The following DSCAM variants were observed in gnomAD, a reference collection of about 807,000 sequenced individuals.
The protein encoded by DSCAM is DS cell adhesion molecule.
Under a neutral mutation model 217.7 loss-of-function variants are expected in DSCAM, and 47 were observed. That is an observed-to-expected ratio of 0.22 (90% CI 0.17 to 0.28). The LOEUF is 0.28. Among genes scored for constraint, DSCAM ranks in the 10% least tolerant of loss-of-function variants. The probability of loss-of-function intolerance (pLI) is 1.00; values close to 1 mark genes in which losing one functional copy is unlikely to be tolerated. For missense variants in DSCAM, 2,080 were observed against 2,618.3 expected, an observed-to-expected ratio of 0.79 and a Z score of 4.49; for synonymous variants, 1,056 against 1,015.3, an observed-to-expected ratio of 1.04 and a Z score of -0.76.
intron 6 of DSCAM, among the ~76,000 whole-genome samples, chr21:40,342,609 T>C (rs1431089760): frequency 8.2e-6 from 1 of 122,012 alleles, no homozygotes; most frequent in Admixed American, 9.1e-5. Context: ...AGTATGTGTA[T>C]ATGTGTGTGT....
intron 11 of DSCAM, among the ~76,000 whole-genome samples, chr21:40,232,577 T>A (rs1042786536): frequency 4.6e-5 from 7 of 152,230 alleles, no homozygotes; most frequent in Non-Finnish European, 8.8e-5. Flanking sequence ...CATTTCATGT[T>A]TTCTCAGTAG....
rs570153949 is a variant in DSCAM at position 40,310,181 on chromosome 21, A to T, written c.2062+1900T>A. ...CAATCTGAATGTACAACAAAGTTTGAGAACCACTAACTAGTGATTTTTGGG... is the reference window on the plus strand; with the variant it reads ...CAATCTGAATGTACAACAAAGTTTGTGAACCACTAACTAGTGATTTTTGGG... On this transcript the variant is annotated intron_variant, in intron 9 of 32. Coordinates refer to ENST00000400454, the MANE Select transcript of DSCAM (RefSeq NM_001389.5). 8.7e-4 allele frequency among the ~76,000 whole-genome samples: 133 copies of T among 152,364 alleles called. 1 individual carries two copies. The highest frequency in any genetic ancestry group is 3.1e-3 in the African/African-American group (129 of 41,594).
intron 3 of DSCAM, among the ~76,000 whole-genome samples, chr21:40,508,510 T>C (rs892836811): frequency 1.3e-5 from 2 of 151,896 alleles, no homozygotes; most frequent in African/African-American, 4.8e-5. Flanking sequence ...ACTAAACAGT[T>C]TGGCATTTAA....
chr21:40,498,607 T>G (rs1395123062), intron 3 of DSCAM, among the ~76,000 whole-genome samples: 2 of 145,146 alleles, frequency 1.4e-5, no homozygotes, highest in African/African-American at 5.0e-5. Flanking sequence ...TGTATATATA[T>G]ATAATATGTA....
intron 3 of DSCAM, among the ~76,000 whole-genome samples, chr21:40,542,651 T>C (rs910626414): frequency 6.6e-6 from 1 of 152,192 alleles, no homozygotes; most frequent in African/African-American, 2.4e-5. Context: ...AGATGACAGA[T>C]CTGCTGACAA....
chr21:40,333,996 TA>T (rs1275400033), intron 8 of DSCAM, among the ~76,000 whole-genome samples: 1 of 152,158 alleles, frequency 6.6e-6, no homozygotes, highest in Non-Finnish European at 1.5e-5. Flanking sequence ...TAAAAATAGG[TA>T]AACTTACATT....
chr21:40,828,230 C>T (rs2091985320), intron 1 of DSCAM, among the ~76,000 whole-genome samples: 1 of 152,088 alleles, frequency 6.6e-6, no homozygotes, highest in Admixed American at 6.5e-5. Context: ...TAGTGAGACC[C>T]TGTTTCTATA....
At chr21:40,264,187 T>A (rs992686964) in intron 11 of DSCAM, among the ~76,000 whole-genome samples, 1 of 152,182 alleles carries the variant, frequency 6.6e-6, no homozygotes, top group Non-Finnish European at 1.5e-5. Flanking sequence ...GAGGGAATCC[T>A]GCCTAACTTA....
intron 11 of DSCAM, among the ~76,000 whole-genome samples, chr21:40,266,814 C>A (rs202097617): frequency 0.013 from 1,284 of 98,172 alleles, 25 homozygotes; most frequent in Admixed American, 0.059. Context: ...ACACACACAC[C>A]CCCACACACA....
intron 11 of DSCAM, among the ~76,000 whole-genome samples, chr21:40,235,448 T>C (rs1410978207): frequency 6.6e-6 from 1 of 152,212 alleles, no homozygotes; most frequent in East Asian, 1.9e-4. Context: ...TAATTAAGAC[T>C]AAGAGAGCTG....
intron 1 of DSCAM, among the ~76,000 whole-genome samples, chr21:40,752,154 A>G (rs909531071): frequency 1.3e-5 from 2 of 152,242 alleles, no homozygotes; most frequent in African/African-American, 4.8e-5. Flanking sequence ...CCAATTAACT[A>G]CATAAGCCAC....
At position 40,144,831 on chromosome 21, in the gene DSCAM, T is replaced by C; in HGVS notation, c.3019-100A>G. 6.6e-7 allele frequency: 1 copy of C among 1,522,182 alleles called. No homozygotes were observed. The highest frequency in any genetic ancestry group is 1.2e-5 in the South Asian group (1 of 81,904). 94.3% of individuals were successfully genotyped at this position (1,522,182 alleles called of 1,614,324 possible). On this transcript the variant is annotated intron_variant, in intron 16 of 32. Coordinates refer to ENST00000400454, the MANE Select transcript of DSCAM (RefSeq NM_001389.5). This position sits in a 1 kb window ranked among gnomAD's most constrained non-coding sequence, Gnocchi z 4.8. ...GTAGGAAAGCAGAAATAAAGTGGAG[T>C]CATCGCCACGATGCTGGGGCGGTGG...
chr21:40,062,378 C>A (rs1335110469), intron 28 of DSCAM, among the ~76,000 whole-genome samples: 1 of 152,170 alleles, frequency 6.6e-6, no homozygotes, highest in Non-Finnish European at 1.5e-5. Flanking sequence ...ACTTCCAGGA[C>A]CAGAATAGAC....
intron 3 of DSCAM, among the ~76,000 whole-genome samples, chr21:40,557,539 AGAGACCAAGATGG>A (rs58276228): frequency 0.45 from 68,051 of 151,442 alleles, 16,518 homozygotes; most frequent in Admixed American, 0.55. Context: ...TATTTTTAGT[AGAGACCAAGATGG>A]TCTCGATCTC....
intron 3 of DSCAM, among the ~76,000 whole-genome samples, chr21:40,477,440 A>G (rs1260114156): frequency 1.3e-5 from 2 of 152,208 alleles, no homozygotes; most frequent in Non-Finnish European, 1.5e-5. Context: ...GAAATTTGCA[A>G]TTTCTCAGAT....
chr21:40,408,423 T>C (rs564447243), intron 3 of DSCAM, among the ~76,000 whole-genome samples: 23 of 152,116 alleles, frequency 1.5e-4, no homozygotes, highest in African/African-American at 4.6e-4. Flanking sequence ...TGACAAACAA[T>C]GTGAAGGGAC....
chr21:40,488,172 G>A (rs2076045828), intron 3 of DSCAM, among the ~76,000 whole-genome samples: 1 of 152,200 alleles, frequency 6.6e-6, no homozygotes. Flanking sequence ...CTATGAGTGT[G>A]TCGCCCTCTC....
rs199681672 is a variant in DSCAM, at chr21:40,025,181, T to A, written c.5687-11795A>T. On this transcript the variant is annotated intron_variant, in intron 32 of 32. Transcript: ENST00000400454. ...TATATGCTGGATTACATTTATTGAT[T>A]TGTGTATATTGAACCAGCCTTGCAT... 5.4e-4 allele frequency among the ~76,000 whole-genome samples: 51 copies of A among 94,486 alleles called. 1 individual carries two copies. The highest frequency in any genetic ancestry group is 1.3e-3 in the African/African-American group (33 of 25,172). The allele number at this position is 94,486 out of a possible 152,430, so 62.0% of individuals were successfully genotyped here.
At chr21:40,395,584 CTTTT>C (rs945972850) in intron 3 of DSCAM, among the ~76,000 whole-genome samples, 3 of 150,774 alleles carry the variant, frequency 2.0e-5, no homozygotes, top group Non-Finnish European at 4.4e-5. Context: ...TCTTTGATTT[CTTTT>C]TTTTTCTTAA....
Sources: gnomAD v4.1 joint callset for allele counts (sites outside exome capture counted in the v4.1 genomes callset) on GRCh38, gnomAD v4.1.1 for gene constraint, Gnocchi (gnomAD v3.1) non-coding constraint, MANE v1.5 for transcripts, NCBI Gene and HGNC (gene_info 2026-07-23, HGNC 2026-07-21) for gene names.